PRKCSH: variants seen among roughly 807,000 people sequenced by gnomAD.
PRKCSH encodes the protein glucosidase 2 subunit beta.
A neutral mutation model predicts 79.7 loss-of-function variants in PRKCSH; 42 were observed. The ratio of observed to expected loss-of-function variants is 0.53; its 90% CI spans 0.41 to 0.68. The LOEUF (loss-of-function observed/expected upper bound fraction) is 0.68, where lower values mean the gene tolerates loss of function less well. PRKCSH is among the 30% of genes least tolerant of loss of function. PRKCSH has a pLI of 0.00. For synonymous variants in PRKCSH, 325 were observed against 288.2 expected, an observed-to-expected ratio of 1.13 and a Z score of -1.29; for missense variants, 686 against 709.0, an observed-to-expected ratio of 0.97 and a Z score of 0.37.
At chr19:11,437,390 C>T (rs547528973) in intron 3 of PRKCSH, among the ~76,000 whole-genome samples, 8 of 135,136 alleles carry the variant, frequency 5.9e-5, no homozygotes, top group Middle Eastern at 0.012. Flanking sequence ...TCACTCTTAT[C>T]GCCCAGGCTG....
At chr19:11,442,544 T>G (rs761577180) in intron 7 of PRKCSH, 29 bp downstream of exon 7, 5 of 1,605,482 alleles carry the variant, frequency 3.1e-6, no homozygotes, top group South Asian at 1.1e-5. Context: ...AGGACTCACC[T>G]TCAGTCCTGG....
chr19:11,448,226 C>T lies in PRKCSH; in HGVS notation c.1131C>T (p.Ala377=), dbSNP rs1168553766. 1 of 1,558,978 alleles carries T rather than the reference C, an allele frequency of 6.4e-7. No individual in the cohort carries two copies. Among genetic ancestry groups the T allele is most frequent in the African/African-American group, 1.4e-5 (1 of 73,638 alleles). The change falls in exon 13 of 18, where the codon GCC becomes GCT. Residue 377 remains alanine, a synonymous_variant. Coordinates refer to ENST00000677123, the MANE Select transcript of PRKCSH (RefSeq NM_001289104.2). The surrounding 1 kb of genome is among the most constrained non-coding windows in gnomAD (Gnocchi z 4.4). ...DEQTQAFIDA[A]QEARNKFEEA... ...GACCTCCAACCCCTCTCCCAGCTGC[C>T]CAGGAGGCCCGCAACAAGTTCGAGG...
intron 3 of PRKCSH, 177 bp downstream of exon 3, chr19:11,436,682 C>G (rs576770166): frequency 1.1e-4 from 72 of 629,314 alleles, no homozygotes; most frequent in Middle Eastern, 8.4e-4. Context: ...CAGAGTCGTC[C>G]TCCTCCCAAG....
At chr19:11,435,988 A>G (rs555667002) in intron 1 of PRKCSH, 53 bp from the exon 2 acceptor site, 63 of 1,295,522 alleles carry the variant, frequency 4.9e-5, no homozygotes, top group East Asian at 1.6e-4. Flanking sequence ...GAGGAATCCA[A>G]TTGGCTGGAA....
chr19:11,449,517 C>G lies in PRKCSH; in HGVS notation c.*16+89C>G. The G allele has an allele frequency of 6.6e-7, 1 of 1,521,408 alleles. No individual in the cohort carries two copies. Among genetic ancestry groups the G allele is most frequent in the South Asian group, 1.1e-5 (1 of 88,420 alleles). The allele number at this position is 1,521,408 out of a possible 1,614,324, so 94.2% of individuals were successfully genotyped here. On this transcript the variant is annotated intron_variant, in intron 17 of 17. Transcript: ENST00000677123. This position sits in a 1 kb window ranked among gnomAD's most constrained non-coding sequence, Gnocchi z 6.4. ...AGATGGACCCACATGGCCACTCTAT[C>G]AACCTGTGTCCCCATGTTCCCTGCT...
intron 5 of PRKCSH, 78 bp from the exon 6 acceptor site, chr19:11,441,162 T>G: frequency 2.1e-6 from 3 of 1,417,444 alleles, no homozygotes; most frequent in African/African-American, 1.4e-5. Flanking sequence ...CACAGCTGGA[T>G]TGAGCTATTT....
rs1287858092 is a variant in PRKCSH, at chr19:11,436,061, C to A, written c.-57C>A. 6.3e-6 allele frequency: 10 copies of A among 1,589,162 alleles called. No homozygotes were observed. Among genetic ancestry groups the A allele is most frequent in the Middle Eastern group, 1.8e-4 (1 of 5,582 alleles). ...TGCAGCGTGAAGACACAGCGCATCT[C>A]CCCGCTGTAGGCTTCCTCCCACAGA... On this transcript the variant is annotated 5_prime_UTR_variant, in exon 2 of 18. Coordinates refer to ENST00000677123, the MANE Select transcript of PRKCSH (RefSeq NM_001289104.2).
At chr19:11,444,501 A>T (rs1970204642) in intron 7 of PRKCSH, among the ~76,000 whole-genome samples, 1 of 152,148 alleles carries the variant, frequency 6.6e-6, no homozygotes, top group Admixed American at 6.5e-5. Context: ...GTCTCCTGGG[A>T]CATGCGGGAT....
At chr19:11,440,848 A>G (rs572512471) in intron 5 of PRKCSH, among the ~76,000 whole-genome samples, 1 of 151,736 alleles carries the variant, frequency 6.6e-6, no homozygotes, top group Non-Finnish European at 1.5e-5. Context: ...AATTATGTGT[A>G]AAGACAGGGT....
rs766039060 is a variant in PRKCSH, at chr19:11,438,101, C to G, written c.327C>G (p.Gly109=). The stretch of plus-strand genomic sequence containing the variant: ...ATGGAACAGACGAGTACAACAGCGG[C>G]GTCATCTGTGAGAACACCTGCAAGT... The part of the protein sequence containing the change: ...CCDGTDEYNS[G]VICENTCKEK... Residue 109 remains glycine, a synonymous_variant, in exon 5 of 18, where the codon GGC becomes GGG. Transcript: ENST00000677123. The G allele has an allele frequency of 4.3e-6, 7 of 1,614,004 alleles. No individual in the cohort carries two copies. The highest frequency in any genetic ancestry group is 1.3e-5 in the African/African-American group (1 of 74,924).
chr19:11,442,267 C>A (rs998696302), intron 6 of PRKCSH, 119 bp from the exon 7 acceptor site: 1 of 1,423,404 alleles, frequency 7.0e-7, no homozygotes, highest in Non-Finnish European at 9.5e-7. Flanking sequence ...AGAGACCCAG[C>A]TTGGTGTGTG....
chr19:11,438,221 A>G, intron 5 of PRKCSH, 97 bp downstream of exon 5: 1 of 1,356,662 alleles, frequency 7.4e-7, no homozygotes, highest in South Asian at 1.2e-5. Flanking sequence ...GCTTTTCTGT[A>G]TCGGGTTCTC....
chr19:11,448,692 G>A lies in PRKCSH; in HGVS notation c.1286+63G>A, dbSNP rs1270344432. On this transcript the variant is annotated intron_variant, in intron 14 of 17. Transcript: ENST00000677123. The surrounding 1 kb of genome is among the most constrained non-coding windows in gnomAD (Gnocchi z 4.4). ...TGGGAGGCGGGTGGCCCCGGAAGTG[G>A]CACCGGCAGTTTCCTGATGGTTGGG... 9 of 1,504,258 alleles carry A rather than the reference G, an allele frequency of 6.0e-6. No homozygotes were observed. The highest frequency in any genetic ancestry group is 6.5e-6 in the Non-Finnish European group (7 of 1,081,448). The allele number at this position is 1,504,258 out of a possible 1,614,324, so 93.2% of individuals were successfully genotyped here.
At chr19:11,443,372 C>T (rs909917982) in intron 7 of PRKCSH, among the ~76,000 whole-genome samples, 1 of 151,928 alleles carries the variant, frequency 6.6e-6, no homozygotes, top group Admixed American at 6.6e-5. Context: ...ATGGTGAAAC[C>T]CATCTCTACT....
chr19:11,447,346 A>AG lies in PRKCSH; in HGVS notation c.850-92dup. 1 of 1,435,456 alleles carries AG rather than the reference A, an allele frequency of 7.0e-7. No individual in the cohort carries two copies. Among genetic ancestry groups the AG allele is most frequent in the Non-Finnish European group, 9.6e-7 (1 of 1,038,188 alleles). 88.9% of individuals were successfully genotyped at this position (1,435,456 alleles called of 1,614,324 possible). On this transcript the variant is annotated intron_variant, in intron 10 of 17. Coordinates refer to ENST00000677123, the MANE Select transcript of PRKCSH (RefSeq NM_001289104.2). This position sits in a 1 kb window ranked among gnomAD's most constrained non-coding sequence, Gnocchi z 5.6. ...CCTGCAGGCCCCGCAGGAGGGGCAG[A>AG]GACACCGAGGCTGCCCCTTGGGCTG...
intron 7 of PRKCSH, among the ~76,000 whole-genome samples, chr19:11,443,151 G>C (rs532454058): frequency 6.6e-6 from 1 of 152,112 alleles, no homozygotes; most frequent in Non-Finnish European, 1.5e-5. Context: ...GGTGGCTCAC[G>C]CCTGTAATCC....
At position 11,449,576 on chromosome 19, in the gene PRKCSH, T is replaced by C; in HGVS notation, c.*16+148T>C. The C allele has an allele frequency of 9.1e-7, 1 of 1,098,010 alleles. No homozygotes were observed. Among genetic ancestry groups the C allele is most frequent in the East Asian group, 2.6e-5 (1 of 38,700 alleles). 68.0% of individuals were successfully genotyped at this position (1,098,010 alleles called of 1,614,324 possible). A position where few individuals can be genotyped will look rare whatever the true frequency, so the allele number is the denominator to read the frequency against. ...TTGTTTTTTTGAGGTGGAGTCTCAC[T>C]CTTTGGCCCAGGCTGGAGTGCAGTG... On this transcript the variant is annotated intron_variant, in intron 17 of 17. Transcript: ENST00000677123. This position sits in a 1 kb window ranked among gnomAD's most constrained non-coding sequence, Gnocchi z 6.4.
chr19:11,447,519 G>A lies in PRKCSH; in HGVS notation c.930G>A (p.Ser310=), dbSNP rs147897290. ...PKEEQPPVPS[S]PTEEEEEEEE... is the part of the protein sequence containing the mutation. Reference sequence around the variant, plus strand: ...AGGAGCAGCCGCCAGTGCCCTCGTCGCCCACAGAGGAGGAGGAGGAGGAGG... The same window carrying A: ...AGGAGCAGCCGCCAGTGCCCTCGTCACCCACAGAGGAGGAGGAGGAGGAGG... The change falls in exon 11 of 18, where the codon TCG becomes TCA. Residue 310 remains serine (S), a synonymous_variant. Coordinates refer to ENST00000677123, the MANE Select transcript of PRKCSH (RefSeq NM_001289104.2). This position sits in a 1 kb window ranked among gnomAD's most constrained non-coding sequence, Gnocchi z 5.6. The A allele has an allele frequency of 5.4e-4, 876 of 1,607,916 alleles. 2 individuals are homozygous for A. Among genetic ancestry groups the A allele is most frequent in the Middle Eastern group, 1.7e-3 (10 of 6,050 alleles).
chr19:11,448,418 TG>T lies in PRKCSH; in HGVS notation c.1197-119del, dbSNP rs899892508. On this transcript the variant is annotated intron_variant, in intron 13 of 17. Coordinates refer to ENST00000677123, the MANE Select transcript of PRKCSH (RefSeq NM_001289104.2). This position sits in a 1 kb window ranked among gnomAD's most constrained non-coding sequence, Gnocchi z 4.4. ...GCCTGGTCCCTGCAGGGAGGGTCCC[TG>T]GGAGGTGGCAGGGAGGACAGCCTGG... 112 of 1,458,078 alleles carry T rather than the reference TG, an allele frequency of 7.7e-5. No homozygotes were observed. The Admixed American group carries it at 2.1e-3, about 27-fold the overall frequency. 90.3% of individuals were successfully genotyped at this position (1,458,078 alleles called of 1,614,324 possible).
Sources: gnomAD v4.1 joint callset for allele counts (sites outside exome capture counted in the v4.1 genomes callset) on GRCh38, gnomAD v4.1.1 for gene constraint, Gnocchi (gnomAD v3.1) non-coding constraint, MANE v1.5 for transcripts, NCBI Gene and HGNC (gene_info 2026-07-23, HGNC 2026-07-21) for gene names.